MYH15: variants seen among roughly 807,000 people sequenced by gnomAD.
The protein encoded by MYH15 is myosin heavy chain 15, also known as myosin-15.
A neutral mutation model predicts 240.5 loss-of-function variants in MYH15; 227 were observed. The observed-to-expected ratio is 0.94, with a 90% CI of 0.85 to 1.05. MYH15 has a LOEUF of 1.05. MYH15 is among the 50% of genes least tolerant of loss of function. The pLI, the probability that MYH15 is intolerant of heterozygous loss-of-function variation, is 0.00. For missense variants in MYH15, 2,217 were observed against 2,247.5 expected (o/e 0.99, Z 0.27); for synonymous variants, 785 against 796.7 (o/e 0.99, Z 0.25).
chr3:108,395,162 G>A (rs533864562), intron 35 of MYH15, among the ~76,000 whole-genome samples: 1 of 152,288 alleles, frequency 6.6e-6, no homozygotes, highest in East Asian at 1.9e-4. Flanking sequence ...CCAGTTATTC[G>A]GGAGGCTGAG....
At chr3:108,408,867 T>C (rs1393870233) in intron 31 of MYH15, among the ~76,000 whole-genome samples, 1 of 152,220 alleles carries the variant, frequency 6.6e-6, no homozygotes, top group Admixed American at 6.5e-5. Flanking sequence ...ATTCAAGGCA[T>C]GGCCCCAGAT....
At chr3:108,398,279 G>A (rs2082477290) in intron 35 of MYH15, among the ~76,000 whole-genome samples, 1 of 152,172 alleles carries the variant, frequency 6.6e-6, no homozygotes, top group African/African-American at 2.4e-5. Context: ...ATAAGCCAAG[G>A]AATGGCAAAG....
chr3:108,491,145 C>T (rs1372115278), intron 9 of MYH15, among the ~76,000 whole-genome samples: 1 of 152,142 alleles, frequency 6.6e-6, no homozygotes, highest in Non-Finnish European at 1.5e-5. Flanking sequence ...GCCTCAGTCT[C>T]CCAAAGTGCT....
intron 31 of MYH15, 35 bp downstream of exon 31, chr3:108,410,548 G>A (rs1446553128): frequency 3.4e-6 from 5 of 1,479,634 alleles, no homozygotes; most frequent in Non-Finnish European, 3.7e-6. Flanking sequence ...TGAGCTACCC[G>A]CTCTGGCTTT....
the MYH15 span, among the ~76,000 whole-genome samples, chr3:108,538,069 C>T: frequency 6.6e-6 from 1 of 152,144 alleles, no homozygotes; most frequent in Non-Finnish European, 1.5e-5. Flanking sequence ...TGGTTTTCCA[C>T]TGATTTTTAT....
chr3:108,381,408 T>C lies in MYH15; in HGVS notation c.*137A>G. 3.0e-6 allele frequency: 3 copies of C among 988,242 alleles called. No homozygotes were observed. Among genetic ancestry groups the C allele is most frequent in the Non-Finnish European group, 3.2e-6 (2 of 629,710 alleles). The allele number at this position is 988,242 out of a possible 1,614,324, so 61.2% of individuals were successfully genotyped here. On this transcript the variant is annotated 3_prime_UTR_variant, in exon 41 of 41. Transcript: ENST00000693548. ...ATGATATTCCCTTTAATTATTTTTC[T>C]AATTGCCTTGTTTATATGGTGTGAA...
intron 14 of MYH15, among the ~76,000 whole-genome samples, chr3:108,465,348 G>C (rs2107583841): frequency 6.6e-6 from 1 of 152,318 alleles, no homozygotes; most frequent in African/African-American, 2.4e-5. Flanking sequence ...CCTGCCAGAG[G>C]CCAGTGTGGG....
chr3:108,456,965 G>T, intron 18 of MYH15, 82 bp from the exon 19 acceptor site: 1 of 995,334 alleles, frequency 1.0e-6, no homozygotes, highest in Non-Finnish European at 1.6e-6. Flanking sequence ...GCTGCATCTT[G>T]GGTTAAAAAG....
intron 28 of MYH15, among the ~76,000 whole-genome samples, chr3:108,418,703 C>T (rs1285177896): frequency 6.6e-6 from 1 of 151,496 alleles, no homozygotes; most frequent in African/African-American, 2.4e-5. Context: ...GCGATCTCAG[C>T]TCACTGCAAC....
chr3:108,389,122 C>A, intron 37 of MYH15, 48 bp from the exon 38 acceptor site: 2 of 1,518,008 alleles, frequency 1.3e-6, no homozygotes, highest in Non-Finnish European at 1.8e-6. Flanking sequence ...CCAAGTCTGG[C>A]ATTCTATTTG....
At chr3:108,526,966 C>T (rs558129216) in intron 1 of MYH15, among the ~76,000 whole-genome samples, 2 of 152,280 alleles carry the variant, frequency 1.3e-5, no homozygotes, top group South Asian at 4.1e-4. Context: ...CACCTATGTT[C>T]TTACATTTCA....
chr3:108,468,970 A>G (rs536639182), intron 14 of MYH15, among the ~76,000 whole-genome samples: 1 of 152,300 alleles, frequency 6.6e-6, no homozygotes, highest in African/African-American at 2.4e-5. Context: ...TAGTTGGTTC[A>G]TCTTTATCAC....
upstream of MYH15, among the ~76,000 whole-genome samples, chr3:108,512,616 G>A (rs1162253823): frequency 1.3e-5 from 2 of 152,124 alleles, no homozygotes; most frequent in African/African-American, 4.8e-5. Context: ...GAGATGGGTG[G>A]GAGAAGGAGA....
chr3:108,394,667 T>C (rs1310946503), intron 35 of MYH15, among the ~76,000 whole-genome samples: 2 of 152,152 alleles, frequency 1.3e-5, no homozygotes, highest in African/African-American at 4.8e-5. Flanking sequence ...GTGGGGAAAG[T>C]AGTTCAGAAT....
Position 108,410,931 on chromosome 3 carries a change from T to G in MYH15, c.4147A>C (p.Lys1383Gln), listed in dbSNP as rs1272886772. The change falls in exon 31 of 41, where the codon AAG (lysine) becomes CAG (glutamine). Residue 1383 changes from lysine to glutamine, a missense_variant and splice_region_variant. Physicochemically the swap from Lys to Gln is moderately conservative, Grantham distance 53. Coordinates refer to ENST00000693548, the MANE Select transcript of MYH15 (RefSeq NM_014981.3). ...TCCTGCAATCTAATTGCCAGTTCCT[T>G]CCTGAGAAAGGAGGACACCCAAAGA... ...QRTEDLEDAK[K>Q]ELAIRLQEAA... 6.3e-7 allele frequency: 1 copy of G among 1,592,008 alleles called. No homozygotes were observed. The highest frequency in any genetic ancestry group is 2.3e-5 in the East Asian group (1 of 44,332).
At chr3:108,511,006 G>A (rs2083518879), upstream of MYH15, among the ~76,000 whole-genome samples, 1 of 152,078 alleles carries the variant, frequency 6.6e-6, no homozygotes, top group Admixed American at 6.6e-5. Flanking sequence ...AAAGACAGAA[G>A]TGCCTGTAGT....
chr3:108,512,395 A>C (rs1289434911), upstream of MYH15, among the ~76,000 whole-genome samples: 2 of 152,168 alleles, frequency 1.3e-5, no homozygotes, highest in Non-Finnish European at 2.9e-5. Context: ...GAGGATGAGG[A>C]AAAGCTGTAG....
At chr3:108,551,005 G>T in the MYH15 span, 1 of 374,462 alleles carries the variant, frequency 2.7e-6, no homozygotes, top group Non-Finnish European at 4.6e-6. Context: ...TAAAAAACAT[G>T]CAACAGATCA....
At chr3:108,390,893 G>A (rs1454872195) in intron 37 of MYH15, among the ~76,000 whole-genome samples, 1 of 152,084 alleles carries the variant, frequency 6.6e-6, no homozygotes, top group Non-Finnish European at 1.5e-5. Context: ...TGTCATCTCT[G>A]TGTTATCCTC....
Sources: allele counts gnomAD v4.1 joint callset (sites outside exome capture counted in the v4.1 genomes callset), GRCh38; gene constraint gnomAD v4.1.1; transcripts MANE v1.5; gene names NCBI Gene and HGNC (gene_info 2026-07-23, HGNC 2026-07-21).